PCDH7: variants seen among roughly 807,000 people sequenced by gnomAD.
PCDH7 encodes protocadherin-7.
PCDH7 carries 17 observed loss-of-function variants against 58.9 expected under a neutral mutation model. The ratio of observed to expected loss-of-function variants is 0.29; its 90% CI spans 0.20 to 0.43. The LOEUF (loss-of-function observed/expected upper bound fraction) is 0.43, where lower values mean the gene tolerates loss of function less well. PCDH7 is among the 20% of genes least tolerant of loss of function. The pLI, the probability that PCDH7 is intolerant of heterozygous loss-of-function variation, is 1.00. For synonymous variants in PCDH7, 664 were observed against 616.4 expected (o/e 1.08, Z -1.14); for missense variants, 1,274 against 1,441.0 (o/e 0.88, Z 1.88).
intron 1 of PCDH7, among the ~76,000 whole-genome samples, chr4:30,762,460 C>A (rs556535945): frequency 6.6e-6 from 1 of 151,964 alleles, no homozygotes; most frequent in African/African-American, 2.4e-5. Context: ...GGTTATTTGT[C>A]GGAAGTTATT....
intron 3 of PCDH7, among the ~76,000 whole-genome samples, chr4:30,971,658 A>C (rs1749598004): frequency 6.6e-6 from 1 of 152,226 alleles, no homozygotes; most frequent in Admixed American, 6.5e-5. Context: ...ATGCACAGTA[A>C]GTGATACATT....
chr4:30,923,684 C>A (rs950919721), intron 2 of PCDH7, among the ~76,000 whole-genome samples: 17 of 152,034 alleles, frequency 1.1e-4, no homozygotes, highest in African/African-American at 3.9e-4. Flanking sequence ...GAAATTACCC[C>A]ATTTAAAAAA....
intron 3 of PCDH7, among the ~76,000 whole-genome samples, chr4:30,989,955 A>G (rs10023956): frequency 0.25 from 38,257 of 152,016 alleles, 5,088 homozygotes; most frequent in African/African-American, 0.32. Flanking sequence ...CTTTTCAAAG[A>G]GTTCCTGATA....
At chr4:30,890,025 A>T (rs776325968) in intron 1 of PCDH7, among the ~76,000 whole-genome samples, 1 of 152,186 alleles carries the variant, frequency 6.6e-6, no homozygotes, top group African/African-American at 2.4e-5. Flanking sequence ...ACACACAGGG[A>T]TTATGGTCAG....
At chr4:30,826,665 G>T (rs1486219176) in intron 1 of PCDH7, among the ~76,000 whole-genome samples, 2 of 152,074 alleles carry the variant, frequency 1.3e-5, no homozygotes, top group Non-Finnish European at 2.9e-5. Flanking sequence ...TTACAAGAGG[G>T]TGTCATCTGA....
chr4:30,989,424 C>A lies in PCDH7; in HGVS notation c.*7+39209C>A, dbSNP rs186918332. 2.3e-4 allele frequency among the ~76,000 whole-genome samples: 35 copies of A among 152,284 alleles called. 1 individual carries two copies. The highest frequency in any genetic ancestry group is 1.0e-3 in the South Asian group (5 of 4,828). On this transcript the variant is annotated intron_variant, in intron 3 of 3. Transcript: ENST00000509759. ...ATGGAGCTGCAGTAATATCGGCCAC[C>A]TGTAGTGTGCCTGCAGCGTGCATGT... is the stretch of plus-strand genomic sequence containing the variant.
intron 2 of PCDH7, among the ~76,000 whole-genome samples, chr4:30,948,081 C>T (rs1481880831): frequency 2.0e-5 from 3 of 151,670 alleles, no homozygotes; most frequent in Non-Finnish European, 4.4e-5. Flanking sequence ...TTTTATATTG[C>T]TTATTACATC....
intron 1 of PCDH7, among the ~76,000 whole-genome samples, chr4:30,759,950 A>G (rs548068032): frequency 6.6e-6 from 1 of 152,258 alleles, no homozygotes; most frequent in East Asian, 1.9e-4. Context: ...CCTCATAATG[A>G]AACCCAGGAC....
chr4:30,757,277 A>C (rs1205712755), intron 1 of PCDH7, among the ~76,000 whole-genome samples: 1 of 152,164 alleles, frequency 6.6e-6, no homozygotes, highest in Non-Finnish European at 1.5e-5. Flanking sequence ...ACCTTTCATG[A>C]TGCCCTAAGA....
At chr4:31,092,066 A>T (rs538743418) in intron 3 of PCDH7, among the ~76,000 whole-genome samples, 32 of 152,052 alleles carry the variant, frequency 2.1e-4, no homozygotes, top group African/African-American at 7.0e-4. Flanking sequence ...ATTTTGAGAA[A>T]TTGCCTAATT....
chr4:30,876,328 A>G (rs2109366265), intron 1 of PCDH7, among the ~76,000 whole-genome samples: 1 of 151,668 alleles, frequency 6.6e-6, no homozygotes, highest in Middle Eastern at 3.4e-3. Context: ...GGCTTAACGT[A>G]CATAAAATGT....
At chr4:30,877,471 A>G (rs1399217338) in intron 1 of PCDH7, among the ~76,000 whole-genome samples, 3 of 152,224 alleles carry the variant, frequency 2.0e-5, no homozygotes, top group Admixed American at 6.6e-5. Flanking sequence ...GCCTAAGGCA[A>G]CCGTGCTTTT....
chr4:30,747,040 C>T (rs1717872258), intron 1 of PCDH7, among the ~76,000 whole-genome samples: 4 of 152,108 alleles, frequency 2.6e-5, no homozygotes, highest in Non-Finnish European at 5.9e-5. Flanking sequence ...TATGAAGTCT[C>T]TTAATACTTT....
intron 1 of PCDH7, among the ~76,000 whole-genome samples, chr4:30,740,692 T>A (rs1283767038): frequency 1.3e-5 from 2 of 152,094 alleles, no homozygotes; most frequent in Non-Finnish European, 2.9e-5. Flanking sequence ...GGTTTTTTTT[T>A]AATCTTTCAC....
intron 2 of PCDH7, among the ~76,000 whole-genome samples, chr4:30,940,789 A>G (rs1273037891): frequency 6.6e-6 from 1 of 152,018 alleles, no homozygotes; most frequent in African/African-American, 2.4e-5. Context: ...AGCTGATTGA[A>G]ATAAGAAGAA....
At chr4:30,724,561 T>G (rs2109229524) in exon 1 of PCDH7, 1 of 1,614,068 alleles carries the variant, frequency 6.2e-7, no homozygotes, top group East Asian at 2.2e-5. Flanking sequence ...CTGCTCTGAG[T>G]ACAGCTGTCA....
chr4:30,805,163 G>A (rs950460288), intron 1 of PCDH7, among the ~76,000 whole-genome samples: 1 of 152,136 alleles, frequency 6.6e-6, no homozygotes, highest in African/African-American at 2.4e-5. Context: ...TCTAATAGAT[G>A]TCTATGTCTT....
intron 1 of PCDH7, among the ~76,000 whole-genome samples, chr4:30,901,299 A>G (rs891057611): frequency 6.6e-6 from 1 of 152,174 alleles, no homozygotes; most frequent in South Asian, 2.1e-4. Flanking sequence ...AAAACCAGAT[A>G]GAGAGAGGAA....
chr4:31,042,765 A>G (rs1445653365), intron 3 of PCDH7, among the ~76,000 whole-genome samples: 1 of 152,228 alleles, frequency 6.6e-6, no homozygotes, highest in South Asian at 2.1e-4. Context: ...CAGCAAAATA[A>G]TGTGCATAAA....
Sources: allele counts gnomAD v4.1 joint callset (sites outside exome capture counted in the v4.1 genomes callset), GRCh38; gene constraint gnomAD v4.1.1; transcripts MANE v1.5; gene names NCBI Gene and HGNC (gene_info 2026-07-23, HGNC 2026-07-21).